Variants in PAM observed in about 807,000 individuals in gnomAD.
The protein encoded by PAM is peptidylglycine alpha-amidating monooxygenase.
Under a neutral mutation model 122.1 loss-of-function variants are expected in PAM, and 72 were observed. That is an observed-to-expected ratio of 0.59 (90% CI 0.49 to 0.72). The LOEUF (loss-of-function observed/expected upper bound fraction) is 0.72, where lower values mean the gene tolerates loss of function less well. Ranked by LOEUF, PAM falls within the 30% of genes least tolerant of loss-of-function variation. The pLI is 0.00. For synonymous variants in PAM, 389 were observed against 404.4 expected (o/e 0.96, Z 0.46); for missense variants, 1,106 against 1,183.7 (o/e 0.93, Z 0.96).
chr5:102,787,355 T>C (rs572539994), intron 1 of PAM, among the ~76,000 whole-genome samples: 92 of 152,216 alleles, frequency 6.0e-4, no homozygotes, highest in Admixed American at 1.8e-3. Flanking sequence ...AGAGTTCTTA[T>C]GTTCTGGGAC....
At position 102,777,220 on chromosome 5, in the gene PAM, G is replaced by GT. The variant is rs200173463; in HGVS notation, c.-374+21879dup. On this transcript the variant is annotated intron_variant, in intron 1 of 25. Coordinates refer to ENST00000438793, the MANE Select transcript of PAM (RefSeq NM_001177306.2). ...GGATATAATCTAGAGAGAAAGGGGA[G>GT]TTTTTTTAGGAACTGAAGACTGTTC... 5.7e-3 allele frequency among the ~76,000 whole-genome samples: 860 copies of GT among 152,114 alleles called. 13 individuals are homozygous for GT. Among genetic ancestry groups the GT allele is most frequent in the Admixed American group, 0.028 (428 of 15,266 alleles).
At chr5:102,942,967 C>G (rs540428916) in intron 7 of PAM, among the ~76,000 whole-genome samples, 6 of 152,156 alleles carry the variant, frequency 3.9e-5, no homozygotes, top group Admixed American at 2.0e-4. Context: ...AAGAAAGAAT[C>G]CATTATCCAA....
At chr5:102,873,099 C>T (rs1350805810) in intron 3 of PAM, among the ~76,000 whole-genome samples, 1 of 152,050 alleles carries the variant, frequency 6.6e-6, no homozygotes, top group Non-Finnish European at 1.5e-5. Flanking sequence ...TTAGCAAGGA[C>T]TCCAGAAAAA....
At chr5:102,932,783 A>C (rs1752024050) in intron 7 of PAM, among the ~76,000 whole-genome samples, 1 of 152,080 alleles carries the variant, frequency 6.6e-6, no homozygotes, top group East Asian at 1.9e-4. Context: ...AGTTCTCCTT[A>C]TCCCCTTCTC....
intron 3 of PAM, among the ~76,000 whole-genome samples, chr5:102,880,719 AAATGAAAAATAG>A (rs1363877894): frequency 1.8e-4 from 27 of 152,178 alleles, no homozygotes; most frequent in African/African-American, 6.3e-4. Flanking sequence ...AATAGCCTTA[AAATGAAAAATAG>A]AATGAAAATA....
chr5:102,870,918 C>T (rs1011857736), intron 3 of PAM, among the ~76,000 whole-genome samples: 1 of 152,152 alleles, frequency 6.6e-6, no homozygotes, highest in Non-Finnish European at 1.5e-5. Context: ...GTCACCAACT[C>T]TCATATCAAA....
chr5:102,805,877 A>C (rs1267210692), intron 1 of PAM, among the ~76,000 whole-genome samples: 1 of 152,176 alleles, frequency 6.6e-6, no homozygotes, highest in South Asian at 2.1e-4. Flanking sequence ...CTTTTCTCTA[A>C]TGCAAGCCTC....
chr5:103,015,978 A>T (rs1266726585), intron 21 of PAM, among the ~76,000 whole-genome samples: 7 of 152,174 alleles, frequency 4.6e-5, no homozygotes, highest in Non-Finnish European at 8.8e-5. Flanking sequence ...TTTACAAAGA[A>T]ATTTCTAAGA....
At chr5:102,790,428 G>T (rs1273109263) in intron 1 of PAM, among the ~76,000 whole-genome samples, 2 of 152,086 alleles carry the variant, frequency 1.3e-5, no homozygotes, top group African/African-American at 4.8e-5. Context: ...AGCAGAGCTT[G>T]TAGCCATCTT....
chr5:102,776,896 G>A (rs1474297953), intron 1 of PAM, among the ~76,000 whole-genome samples: 2 of 151,960 alleles, frequency 1.3e-5, no homozygotes, highest in Non-Finnish European at 2.9e-5. Flanking sequence ...TTCATATTTA[G>A]TGGTGTTTTT....
At chr5:102,934,520 C>T (rs1752621657) in intron 7 of PAM, among the ~76,000 whole-genome samples, 1 of 152,132 alleles carries the variant, frequency 6.6e-6, no homozygotes, top group Non-Finnish European at 1.5e-5. Flanking sequence ...ATTCTCAAGG[C>T]TGTGATACTC....
intron 4 of PAM, among the ~76,000 whole-genome samples, chr5:102,911,981 C>T (rs907658990): frequency 1.3e-4 from 19 of 151,956 alleles, no homozygotes; most frequent in African/African-American, 4.6e-4. Context: ...GAATGTTTCC[C>T]AAATATGTAA....
At chr5:102,823,490 A>G (rs1772679921) in intron 1 of PAM, among the ~76,000 whole-genome samples, 1 of 152,224 alleles carries the variant, frequency 6.6e-6, no homozygotes, top group South Asian at 2.1e-4. Context: ...GTGGGAAATA[A>G]TTAGACATGA....
At chr5:103,018,082 A>T (rs1437646148) in intron 22 of PAM, among the ~76,000 whole-genome samples, 1 of 152,168 alleles carries the variant, frequency 6.6e-6, no homozygotes, top group East Asian at 1.9e-4. Context: ...AAAACAAATA[A>T]ATTTTTTAAA....
rs146772063 is a variant in PAM, at chr5:102,831,985, C to T, written c.-373-33838C>T. Among the ~76,000 whole-genome samples, 451 of 152,024 alleles carry T rather than the reference C, an allele frequency of 3.0e-3. 3 individuals carry two copies. The highest frequency in any genetic ancestry group is 0.017 in the Middle Eastern group (5 of 294). ...GTTTTCACCTTACTGACTAAATAACCAGTGGTATCAAAGTTTTATCTTCCA... is the reference window on the plus strand; with the variant it reads ...GTTTTCACCTTACTGACTAAATAACTAGTGGTATCAAAGTTTTATCTTCCA... On this transcript the variant is annotated intron_variant, in intron 1 of 25. Coordinates refer to ENST00000438793, the MANE Select transcript of PAM (RefSeq NM_001177306.2).
rs192165947 is a variant in PAM, at chr5:102,833,792, A to G, written c.-373-32031A>G. Among the ~76,000 whole-genome samples the G allele has an allele frequency of 7.9e-3, 1,198 of 152,230 alleles. 20 individuals carry two copies. Among genetic ancestry groups the G allele is most frequent in the African/African-American group, 0.027 (1,102 of 41,546 alleles). Reference sequence around the variant, plus strand: ...GATTCCAGAATTACTAAAGAGGACAATGTTGGATTCCTTACCCCTGTCCCC... The same window carrying G: ...GATTCCAGAATTACTAAAGAGGACAGTGTTGGATTCCTTACCCCTGTCCCC... On this transcript the variant is annotated intron_variant, in intron 1 of 25. Transcript: ENST00000438793.
intron 5 of PAM, among the ~76,000 whole-genome samples, chr5:102,922,039 C>G (rs999218002): frequency 6.6e-6 from 1 of 151,726 alleles, no homozygotes; most frequent in Admixed American, 6.6e-5. Context: ...TAATTTTTTT[C>G]AATAAAATAT....
upstream of PAM, chr5:102,755,039 A>C (rs1340545618): frequency 1.3e-5 from 2 of 152,272 alleles, no homozygotes; most frequent in African/African-American, 4.8e-5. Flanking sequence ...CCACTTCCCA[A>C]GCTCCGCGCC....
intron 1 of PAM, among the ~76,000 whole-genome samples, chr5:102,806,554 A>G (rs1766277013): frequency 6.6e-6 from 1 of 152,158 alleles, no homozygotes; most frequent in African/African-American, 2.4e-5. Flanking sequence ...ATTTATTTTA[A>G]AATTTGAATA....
Sources: allele counts gnomAD v4.1 joint callset (sites outside exome capture counted in the v4.1 genomes callset), GRCh38; gene constraint gnomAD v4.1.1; transcripts MANE v1.5; gene names NCBI Gene and HGNC (gene_info 2026-07-23, HGNC 2026-07-21).